VTCN1: variants seen among roughly 807,000 people sequenced by gnomAD.
VTCN1 encodes V-set domain-containing T-cell activation inhibitor 1.
In VTCN1, 26 loss-of-function variants were observed where a neutral mutation model predicts 26.5. The observed-to-expected ratio is 0.98, with a 90% CI of 0.72 to 1.36. The LOEUF (loss-of-function observed/expected upper bound fraction) is 1.36. VTCN1 is among the 40% of genes most tolerant of loss of function. The pLI is 0.00. For missense variants in VTCN1, 298 were observed against 337.7 expected (o/e 0.88, Z 0.92); for synonymous variants, 116 against 130.7 (o/e 0.89, Z 0.77).
chr1:117,208,862 C>G (rs1649225707), intron 1 of VTCN1, among the ~76,000 whole-genome samples: 1 of 152,180 alleles, frequency 6.6e-6, no homozygotes, highest in Non-Finnish European at 1.5e-5. Context: ...ACTGGGTCTG[C>G]AGAGGATGGC....
chr1:117,210,116 G>A (rs1649281072), intron 1 of VTCN1, among the ~76,000 whole-genome samples: 1 of 152,144 alleles, frequency 6.6e-6, no homozygotes, highest in South Asian at 2.1e-4. Flanking sequence ...GAGGGTAAAT[G>A]CTGTTCTGAG....
intron 3 of VTCN1, among the ~76,000 whole-genome samples, chr1:117,156,338 C>G (rs1176703212): frequency 6.6e-6 from 1 of 152,162 alleles, no homozygotes; most frequent in African/African-American, 2.4e-5. Flanking sequence ...AGAGAACACA[C>G]CTGGAAATTC....
At chr1:117,188,220 C>T (rs964042186) in intron 1 of VTCN1, among the ~76,000 whole-genome samples, 6 of 151,798 alleles carry the variant, frequency 4.0e-5, no homozygotes, top group Non-Finnish European at 5.9e-5. Context: ...GATCAGAGAG[C>T]GAGAGAGAGA....
intron 4 of VTCN1, among the ~76,000 whole-genome samples, chr1:117,149,593 T>C (rs1174840584): frequency 6.6e-6 from 1 of 152,144 alleles, no homozygotes; most frequent in African/African-American, 2.4e-5. Flanking sequence ...CTGCCTTATC[T>C]ATGGATCCAC....
At chr1:117,185,369 A>G (rs1271855480) in intron 1 of VTCN1, among the ~76,000 whole-genome samples, 1 of 152,220 alleles carries the variant, frequency 6.6e-6, no homozygotes, top group Admixed American at 6.5e-5. Context: ...TCCACCAGAA[A>G]AAGTTTCCAT....
chr1:117,171,825 G>A (rs981512981), intron 1 of VTCN1, among the ~76,000 whole-genome samples: 3 of 152,154 alleles, frequency 2.0e-5, no homozygotes, highest in Non-Finnish European at 4.4e-5. Context: ...AAGTGGCAGA[G>A]CAGAGATTAG....
At chr1:117,201,535 C>T (rs1648787089) in intron 1 of VTCN1, among the ~76,000 whole-genome samples, 1 of 152,176 alleles carries the variant, frequency 6.6e-6, no homozygotes, top group South Asian at 2.1e-4. Context: ...AGGTTCTGAG[C>T]CAGCAGCAAT....
intron 1 of VTCN1, among the ~76,000 whole-genome samples, chr1:117,198,798 T>C (rs779231068): frequency 5.9e-5 from 9 of 152,242 alleles, no homozygotes; most frequent in Non-Finnish European, 7.3e-5. Context: ...GGTGATCCAT[T>C]CATATCACCT....
At chr1:117,149,410 A>G (rs1369349787) in intron 4 of VTCN1, among the ~76,000 whole-genome samples, 1 of 151,738 alleles carries the variant, frequency 6.6e-6, no homozygotes, top group Admixed American at 6.6e-5. Context: ...CAAGGACTGT[A>G]CATTATTTTG....
In VTCN1 at chr1:117,151,200, CT is replaced by C. The variant is rs796226289; in HGVS notation, c.724+1890del. Among the ~76,000 whole-genome samples, 845 of 135,672 alleles carry C rather than the reference CT, an allele frequency of 6.2e-3. 1 individual carries two copies. The highest frequency in any genetic ancestry group is 9.1e-3 in the Admixed American group (123 of 13,458). The allele number at this position is 135,672 out of a possible 152,430, so 89.0% of individuals were successfully genotyped here. ...CATGCCCAACCTGAGTGTTACAGTT[CT>C]TTTTTTTTTTTTTTGGAGAGTGTTA... On this transcript the variant is annotated intron_variant, in intron 4 of 5. Coordinates refer to ENST00000369458, the MANE Select transcript of VTCN1 (RefSeq NM_024626.4).
chr1:117,153,732 G>A (rs1417852369), intron 3 of VTCN1, among the ~76,000 whole-genome samples: 1 of 152,114 alleles, frequency 6.6e-6, no homozygotes, highest in Non-Finnish European at 1.5e-5. Context: ...GATCTGTGAA[G>A]CTTCTGGATT....
chr1:117,178,547 T>C (rs4659163), intron 1 of VTCN1, among the ~76,000 whole-genome samples: 114,178 of 146,900 alleles, frequency 0.78, 45,334 homozygotes, highest in East Asian at 0.99. Context: ...CGTGAGCCAC[T>C]GCACCGCACC....
At chr1:117,149,910 C>G (rs1651705224) in intron 4 of VTCN1, among the ~76,000 whole-genome samples, 1 of 152,186 alleles carries the variant, frequency 6.6e-6, no homozygotes, top group Non-Finnish European at 1.5e-5. Flanking sequence ...GTATTTCATC[C>G]TAGCCTGACA....
rs888806656 is a variant in VTCN1, at chr1:117,167,819, A to T, written c.97+2288T>A. ...GAAGAGGAATATTAATAAAGATAAA[A>T]GCCAAAATTAGTAAAATAGGAATAC... On this transcript the variant is annotated intron_variant, in intron 2 of 5. Transcript: ENST00000369458. The surrounding 1 kb of genome is among the most constrained non-coding windows in gnomAD (Gnocchi z 4.1). Among the ~76,000 whole-genome samples the T allele has an allele frequency of 3.0e-4, 45 of 152,242 alleles. No homozygotes were observed. Among genetic ancestry groups the T allele is most frequent in the African/African-American group, 1.0e-3 (42 of 41,468 alleles).
intron 1 of VTCN1, among the ~76,000 whole-genome samples, chr1:117,206,589 C>T (rs1326724686): frequency 3.3e-5 from 5 of 152,112 alleles, no homozygotes; most frequent in African/African-American, 1.2e-4. Flanking sequence ...TGCCTCCCTA[C>T]AACAAGGTGC....
intron 1 of VTCN1, among the ~76,000 whole-genome samples, chr1:117,198,052 C>T (rs1218822972): frequency 6.6e-6 from 1 of 152,202 alleles, no homozygotes; most frequent in East Asian, 1.9e-4. Context: ...GGACACAAAA[C>T]TGTTGGGGCC....
chr1:117,184,275 G>A (rs1647823435), intron 1 of VTCN1, among the ~76,000 whole-genome samples: 2 of 151,974 alleles, frequency 1.3e-5, no homozygotes, highest in South Asian at 4.2e-4. Flanking sequence ...CATTTGTTAG[G>A]CCAGTCCAGA....
At chr1:117,185,959 C>T (rs1383471822) in intron 1 of VTCN1, among the ~76,000 whole-genome samples, 2 of 152,154 alleles carry the variant, frequency 1.3e-5, no homozygotes, top group East Asian at 1.9e-4. Flanking sequence ...GGGCACATAC[C>T]GTCAAGACCT....
chr1:117,201,273 T>C (rs1220604164), intron 1 of VTCN1, among the ~76,000 whole-genome samples: 1 of 152,158 alleles, frequency 6.6e-6, no homozygotes, highest in African/African-American at 2.4e-5. Context: ...CAGCAGCCTC[T>C]TGATGGAGAA....
Sources: gnomAD v4.1 joint callset for allele counts (sites outside exome capture counted in the v4.1 genomes callset) on GRCh38, gnomAD v4.1.1 for gene constraint, Gnocchi (gnomAD v3.1) non-coding constraint, MANE v1.5 for transcripts, NCBI Gene and HGNC (gene_info 2026-07-23, HGNC 2026-07-21) for gene names.